The following ATP2C1 variants were observed in gnomAD, a reference collection of about 807,000 sequenced individuals.
ATP2C1 encodes the protein ATPase secretory pathway Ca2+ transporting 1, also known as calcium-transporting ATPase type 2C member 1.
Under a neutral mutation model 120.5 loss-of-function variants are expected in ATP2C1, and 31 were observed. The observed-to-expected ratio is 0.26, with a 90% CI of 0.19 to 0.35. The LOEUF (loss-of-function observed/expected upper bound fraction) is 0.35. Ranked by LOEUF, ATP2C1 falls within the 10% of genes least tolerant of loss-of-function variation. The pLI is 1.00. For synonymous variants in ATP2C1, 351 were observed against 358.7 expected (o/e 0.98, Z 0.24); for missense variants, 731 against 1,107.5 (o/e 0.66, Z 4.83).
intron 8 of ATP2C1, among the ~76,000 whole-genome samples, chr3:130,944,098 A>T (rs2060035365): frequency 6.6e-6 from 1 of 152,236 alleles, no homozygotes; most frequent in African/African-American, 2.4e-5. Context: ...CATAGATTTC[A>T]CTTTAGAGAA....
chr3:131,014,057 T>C, intron 26 of ATP2C1: 1 of 1,559,780 alleles, frequency 6.4e-7, no homozygotes, highest in South Asian at 1.2e-5. Context: ...AAACTGAGTT[T>C]TATTCAATGT....
intron 1 of ATP2C1, among the ~76,000 whole-genome samples, chr3:130,854,808 G>C (rs2067785448): frequency 1.3e-5 from 2 of 152,156 alleles, no homozygotes; most frequent in Non-Finnish European, 2.9e-5. Context: ...CTATTCCCAT[G>C]GTTTCAAACA....
At chr3:130,866,461 A>T (rs1224297264) in intron 1 of ATP2C1, among the ~76,000 whole-genome samples, 1 of 152,180 alleles carries the variant, frequency 6.6e-6, no homozygotes, top group African/African-American at 2.4e-5. Context: ...CTCTTCTTTC[A>T]TCTAACTGGT....
chr3:130,862,330 A>ATTTAT (rs1348966672), intron 1 of ATP2C1, among the ~76,000 whole-genome samples: 1 of 147,478 alleles, frequency 6.8e-6, no homozygotes, highest in Non-Finnish European at 1.5e-5. Flanking sequence ...TTATTTATTT[A>ATTTAT]TTTATTTATT....
At chr3:131,016,414 A>G in exon 27 of ATP2C1, 1 of 1,472,372 alleles carries the variant, frequency 6.8e-7, no homozygotes. Flanking sequence ...CACATATACT[A>G]CAAATTCTAT....
Position 130,896,055 on chromosome 3 carries a change from A to G in ATP2C1, c.6+1280A>G, listed in dbSNP as rs147777310. ...AAGTTTATTGATTTAAGAAAGGCAA[A>G]TCCATTCTGCACATGAGACAAAGAA... On this transcript the variant is annotated intron_variant, in intron 2 of 27. Transcript: ENST00000510168. Among the ~76,000 whole-genome samples, 19 of 152,350 alleles carry G rather than the reference A, an allele frequency of 1.2e-4. No individual in the cohort carries two copies. In the East Asian group the frequency reaches 3.5e-3, roughly 28 times the overall value.
At chr3:131,006,818 A>G (rs1262209422), downstream of ATP2C1, among the ~76,000 whole-genome samples, 3 of 151,596 alleles carry the variant, frequency 2.0e-5, no homozygotes, top group African/African-American at 7.3e-5. Flanking sequence ...GCATGCCACC[A>G]TACCTAGCTA....
At position 131,001,721 on chromosome 3, in the gene ATP2C1, T is replaced by G. The variant is rs2062894641; in HGVS notation, c.*371T>G. On this transcript the variant is annotated 3_prime_UTR_variant, in exon 28 of 28. Coordinates refer to ENST00000510168, the MANE Select transcript of ATP2C1 (RefSeq NM_001378687.1). ...TTTTTATTTTTAAATATTGTACTAT[T>G]TATGGTGGTGGGGCTTTCTTACTAA... is the stretch of plus-strand genomic sequence containing the variant. 3 of 972,866 alleles carry G rather than the reference T, an allele frequency of 3.1e-6. No individual in the cohort carries two copies. 60.3% of individuals were successfully genotyped at this position (972,866 alleles called of 1,614,324 possible).
intron 20 of ATP2C1, among the ~76,000 whole-genome samples, chr3:130,985,001 A>G (rs1427434420): frequency 2.0e-5 from 3 of 152,206 alleles, no homozygotes; most frequent in Admixed American, 6.5e-5. Context: ...ATAAACACCT[A>G]TCACTGTGGT....
chr3:130,901,776 A>G (rs1008353120), intron 2 of ATP2C1, among the ~76,000 whole-genome samples: 2 of 152,038 alleles, frequency 1.3e-5, no homozygotes, highest in Non-Finnish European at 2.9e-5. Flanking sequence ...ATTCATCTTG[A>G]ACAGACTCTG....
chr3:130,864,047 G>A (rs1013545037), intron 1 of ATP2C1, among the ~76,000 whole-genome samples: 2 of 152,170 alleles, frequency 1.3e-5, no homozygotes, highest in Admixed American at 1.3e-4. Flanking sequence ...CAGTTTGGAG[G>A]GTTCAGAAGA....
intron 17 of ATP2C1, among the ~76,000 whole-genome samples, chr3:130,972,606 A>C: frequency 7.1e-6 from 1 of 141,042 alleles, no homozygotes; most frequent in Non-Finnish European, 1.6e-5. Context: ...TATATCTCCT[A>C]ATGCTATCCC....
chr3:130,908,862 A>G (rs2058261064), intron 2 of ATP2C1, among the ~76,000 whole-genome samples: 1 of 152,144 alleles, frequency 6.6e-6, no homozygotes, highest in Non-Finnish European at 1.5e-5. Flanking sequence ...ATGGATTAGA[A>G]TTAGTTCTTG....
chr3:131,005,763 A>G (rs2063084065), downstream of ATP2C1, among the ~76,000 whole-genome samples: 1 of 152,250 alleles, frequency 6.6e-6, no homozygotes, highest in Admixed American at 6.5e-5. Context: ...TAGCATAGTT[A>G]TTAATCAGCA....
intron 2 of ATP2C1, among the ~76,000 whole-genome samples, chr3:130,919,869 T>A (rs1157192660): frequency 6.6e-6 from 1 of 152,188 alleles, no homozygotes; most frequent in Non-Finnish European, 1.5e-5. Context: ...TTTGTTTTGG[T>A]TTTTTGATAA....
intron 26 of ATP2C1, among the ~76,000 whole-genome samples, chr3:131,009,664 TGAATTTG>T (rs879895837): frequency 1.3e-5 from 2 of 152,218 alleles, no homozygotes; most frequent in Non-Finnish European, 2.9e-5. Context: ...TGGATGGACT[TGAATTTG>T]GTATTACTCA....
At chr3:130,926,861 C>T (rs1039029855) in intron 2 of ATP2C1, among the ~76,000 whole-genome samples, 1 of 152,160 alleles carries the variant, frequency 6.6e-6, no homozygotes, top group African/African-American at 2.4e-5. Flanking sequence ...TTTTGGTTGC[C>T]CAGTAGTATT....
intron 1 of ATP2C1, among the ~76,000 whole-genome samples, chr3:130,851,925 A>T (rs1375185465): frequency 6.6e-6 from 1 of 152,234 alleles, no homozygotes; most frequent in African/African-American, 2.4e-5. Context: ...GAAATGCAAG[A>T]TAGGTTTAGC....
intron 24 of ATP2C1, among the ~76,000 whole-genome samples, 184 bp from the exon 25 acceptor site, chr3:130,997,419 AGAG>A (rs2062676708): frequency 6.6e-6 from 1 of 152,196 alleles, no homozygotes; most frequent in South Asian, 2.1e-4. Context: ...AAACAAATAA[AGAG>A]GAGAGAAAAA....
Sources: allele counts gnomAD v4.1 joint callset (sites outside exome capture counted in the v4.1 genomes callset), GRCh38; gene constraint gnomAD v4.1.1; transcripts MANE v1.5; gene names NCBI Gene and HGNC (gene_info 2026-07-23, HGNC 2026-07-21).